The following RBMS3 variants were observed in gnomAD, a reference collection of about 807,000 sequenced individuals.
RBMS3 encodes RNA binding motif single stranded interacting protein 3, also known as RNA-binding motif, single-stranded-interacting protein 3.
In RBMS3, 27 loss-of-function variants were observed where a neutral mutation model predicts 66.8. The ratio of observed to expected loss-of-function variants is 0.40; its 90% confidence interval spans 0.30 to 0.56. RBMS3 has a LOEUF of 0.56. Ranked by LOEUF, RBMS3 falls within the 20% of genes least tolerant of loss-of-function variation. The probability of loss-of-function intolerance (pLI) is 0.40; values close to 1 mark genes in which losing one functional copy is unlikely to be tolerated. For synonymous variants in RBMS3, 188 were observed against 183.0 expected (o/e 1.03, Z -0.22); for missense variants, 513 against 549.5 (o/e 0.93, Z 0.66).
chr3:29,503,737 C>T (rs766636785), intron 3 of RBMS3, among the ~76,000 whole-genome samples: 3 of 152,026 alleles, frequency 2.0e-5, no homozygotes, highest in South Asian at 2.1e-4. Flanking sequence ...TCAGGTAGAC[C>T]ACAGATGTAT....
chr3:29,626,218 A>G (rs2049056173), intron 4 of RBMS3, among the ~76,000 whole-genome samples: 1 of 152,208 alleles, frequency 6.6e-6, no homozygotes, highest in African/African-American at 2.4e-5. Context: ...AAGTCACTTA[A>G]ACTCTGCGTT....
At chr3:29,547,600 T>C (rs1222780432) in intron 3 of RBMS3, among the ~76,000 whole-genome samples, 1 of 152,060 alleles carries the variant, frequency 6.6e-6, no homozygotes, top group Non-Finnish European at 1.5e-5. Flanking sequence ...TGAGGGATAT[T>C]TTCTGATTCA....
In RBMS3 at chr3:30,009,984, C is replaced by T. The variant is rs1419394189; in HGVS notation, c.*6122C>T. 2 of 151,508 alleles carry T rather than the reference C, an allele frequency of 1.3e-5. No homozygotes were observed. Among genetic ancestry groups the T allele is most frequent in the African/African-American group, 4.9e-5 (2 of 41,192 alleles). The allele number at this position is 151,508 out of a possible 1,614,324, so 9.4% of individuals were successfully genotyped here. ...TTCTCTATTCTGGACACAAATGCTTCCATTTATTTCAAAAGAAGAAGAAGA... is the reference window on the plus strand; with the variant it reads ...TTCTCTATTCTGGACACAAATGCTTTCATTTATTTCAAAAGAAGAAGAAGA... On this transcript the variant is annotated 3_prime_UTR_variant, in exon 15 of 15. Coordinates refer to ENST00000383767, the MANE Select transcript of RBMS3 (RefSeq NM_001003793.3).
At chr3:29,907,037 A>G (rs1209745210) in intron 10 of RBMS3, among the ~76,000 whole-genome samples, 8 of 152,166 alleles carry the variant, frequency 5.3e-5, no homozygotes, top group Admixed American at 5.2e-4. Flanking sequence ...TACCCAATCC[A>G]GGAAGCAATC....
chr3:29,509,733 C>T (rs1480799349), intron 3 of RBMS3, among the ~76,000 whole-genome samples: 1 of 152,176 alleles, frequency 6.6e-6, no homozygotes, highest in Non-Finnish European at 1.5e-5. Flanking sequence ...AAAGTATACC[C>T]AGAATTTAGC....
chr3:29,332,213 C>T (rs2035705969), intron 1 of RBMS3, among the ~76,000 whole-genome samples: 1 of 152,042 alleles, frequency 6.6e-6, no homozygotes, highest in Admixed American at 6.6e-5. Context: ...ATTTTCTATC[C>T]CCAATCCAGT....
intron 4 of RBMS3, among the ~76,000 whole-genome samples, chr3:29,664,645 C>T (rs995109912): frequency 2.0e-5 from 3 of 151,514 alleles, no homozygotes; most frequent in Non-Finnish European, 4.4e-5. Context: ...AACACCTCTG[C>T]CCAAACACCA....
chr3:29,430,806 C>T (rs980776134), intron 1 of RBMS3, among the ~76,000 whole-genome samples: 1 of 93,922 alleles, frequency 1.1e-5, no homozygotes, highest in Non-Finnish European at 2.2e-5. Context: ...TTGAAAAAGC[C>T]TGAATGCAGA....
chr3:29,403,910 A>C (rs140142731), intron 1 of RBMS3, among the ~76,000 whole-genome samples: 3 of 152,096 alleles, frequency 2.0e-5, no homozygotes, highest in African/African-American at 4.8e-5. Flanking sequence ...TTCTTCTCCC[A>C]TATGAAACTT....
At chr3:29,508,480 C>T (rs1000986586) in intron 3 of RBMS3, among the ~76,000 whole-genome samples, 4 of 152,078 alleles carry the variant, frequency 2.6e-5, no homozygotes, top group Non-Finnish European at 4.4e-5. Flanking sequence ...TGTTAGTTTG[C>T]TGAGAATAAT....
At chr3:29,727,971 T>C (rs1381312604) in intron 4 of RBMS3, among the ~76,000 whole-genome samples, 3 of 152,170 alleles carry the variant, frequency 2.0e-5, no homozygotes, top group Middle Eastern at 3.2e-3. Flanking sequence ...TGTCCATCAA[T>C]GATAGACTGG....
chr3:29,839,667 T>G (rs1053725033), intron 6 of RBMS3, among the ~76,000 whole-genome samples: 7 of 151,822 alleles, frequency 4.6e-5, no homozygotes, highest in African/African-American at 1.4e-4. Flanking sequence ...ATGAACTCAT[T>G]TTTACTTTAT....
chr3:29,309,030 C>A (rs1164892362), intron 1 of RBMS3, among the ~76,000 whole-genome samples: 1 of 151,586 alleles, frequency 6.6e-6, no homozygotes, highest in African/African-American at 2.4e-5. Flanking sequence ...ATAGAAATAA[C>A]ACAGGTAACA....
At chr3:29,625,336 A>G (rs1264835529) in intron 4 of RBMS3, among the ~76,000 whole-genome samples, 1 of 152,172 alleles carries the variant, frequency 6.6e-6, no homozygotes, top group African/African-American at 2.4e-5. Flanking sequence ...AACAGACCAC[A>G]TAGAACCAAC....
chr3:29,733,879 G>A (rs1277486145), intron 4 of RBMS3, among the ~76,000 whole-genome samples: 2 of 152,054 alleles, frequency 1.3e-5, no homozygotes, highest in African/African-American at 4.8e-5. Context: ...CAGTTTGGGG[G>A]TCTTACATTT....
chr3:29,764,431 C>G (rs1156826552), intron 6 of RBMS3, among the ~76,000 whole-genome samples: 1 of 151,582 alleles, frequency 6.6e-6, no homozygotes, highest in African/African-American at 2.4e-5. Flanking sequence ...TTACTCAAAT[C>G]CGTCATCGAG....
chr3:29,336,005 G>A (rs1194140481), intron 1 of RBMS3, among the ~76,000 whole-genome samples: 1 of 152,026 alleles, frequency 6.6e-6, no homozygotes, highest in African/African-American at 2.4e-5. Flanking sequence ...TTTTTCAACT[G>A]ATCAGCCTTT....
intron 3 of RBMS3, 41 bp from the exon 4 acceptor site, chr3:29,587,073 C>G: frequency 6.7e-7 from 1 of 1,489,136 alleles, no homozygotes. Flanking sequence ...AGAGATTCAG[C>G]TTTTTGTGAA....
intron 4 of RBMS3, among the ~76,000 whole-genome samples, chr3:29,632,823 C>A (rs933414772): frequency 6.6e-6 from 1 of 151,824 alleles, no homozygotes; most frequent in African/African-American, 2.4e-5. Flanking sequence ...GTGGACAGTG[C>A]AAGAACAAGG....
Sources: allele counts gnomAD v4.1 joint callset (sites outside exome capture counted in the v4.1 genomes callset), GRCh38; gene constraint gnomAD v4.1.1; transcripts MANE v1.5; gene names NCBI Gene and HGNC (gene_info 2026-07-23, HGNC 2026-07-21).